Variants in ARHGAP35 observed in about 807,000 individuals in gnomAD.
The protein encoded by ARHGAP35 is Rho GTPase activating protein 35.
ARHGAP35 carries 15 observed loss-of-function variants against 111.1 expected under a neutral mutation model. The ratio of observed to expected loss-of-function variants is 0.13; its 90% CI spans 0.09 to 0.21. ARHGAP35 has a LOEUF of 0.21. Among genes scored for constraint, ARHGAP35 ranks in the 10% least tolerant of loss-of-function variants. The pLI is 1.00. For missense variants in ARHGAP35, 1,262 were observed against 1,873.0 expected, an observed-to-expected ratio of 0.67 and a Z score of 6.02; for synonymous variants, 643 against 710.3, an observed-to-expected ratio of 0.91 and a Z score of 1.51.
chr19:46,894,625 T>C (rs1354532074), intron 1 of ARHGAP35, among the ~76,000 whole-genome samples: 1 of 152,028 alleles, frequency 6.6e-6, no homozygotes, highest in Non-Finnish European at 1.5e-5. Flanking sequence ...TTTGTATTTT[T>C]ATTGGAGATG....
At position 46,921,493 on chromosome 19, in the gene ARHGAP35, G is replaced by A; in HGVS notation, c.2818G>A (p.Asp940Asn). Residue 940 changes from aspartate (D) to asparagine (N), a missense_variant, in exon 2 of 7, where the codon GAT (aspartate) becomes AAT (asparagine). Asp to Asn is a conservative substitution (Grantham distance 23). This residue lies in a region of ARHGAP35 where 579 missense variants were observed against 716.9 expected (regional missense o/e 0.81). Transcript: ENST00000672722. The surrounding 1 kb of genome is among the most constrained non-coding windows in gnomAD (Gnocchi z 4.3). ...KLEIFHPFFK[D>N]VVEKKNIIEA... Reference sequence around the variant, plus strand: ...TGAGATCTTTCACCCATTTTTTAAAGATGTGGTGGAAAAAAAGAACATAAT... The same window carrying A: ...TGAGATCTTTCACCCATTTTTTAAAAATGTGGTGGAAAAAAAGAACATAAT... 1 of 1,613,962 alleles carries A rather than the reference G, an allele frequency of 6.2e-7. No homozygotes were observed. The highest frequency in any genetic ancestry group is 1.6e-4 in the Middle Eastern group (1 of 6,062).
chr19:46,932,690 C>A (rs2056279920), intron 2 of ARHGAP35, among the ~76,000 whole-genome samples: 1 of 152,066 alleles, frequency 6.6e-6, no homozygotes, highest in Non-Finnish European at 1.5e-5. Context: ...TTTGTGACAC[C>A]CTAGAGAGCC....
At chr19:46,967,387 T>C (rs2056521577) in intron 3 of ARHGAP35, among the ~76,000 whole-genome samples, 1 of 152,274 alleles carries the variant, frequency 6.6e-6, no homozygotes, top group South Asian at 2.1e-4. Flanking sequence ...CCTTGTTACC[T>C]TCCCACACCA....
At chr19:46,930,484 A>G (rs1426740089) in intron 2 of ARHGAP35, among the ~76,000 whole-genome samples, 3 of 147,234 alleles carry the variant, frequency 2.0e-5, no homozygotes, top group Non-Finnish European at 3.0e-5. Context: ...AAAAAAAGAC[A>G]AAAAAAGGCA....
rs998565315 is a variant in ARHGAP35, at chr19:46,875,061, C to T, written c.-189+13852C>T. 2.6e-5 allele frequency among the ~76,000 whole-genome samples: 4 copies of T among 152,166 alleles called. No individual in the cohort carries two copies. The East Asian group carries it at 5.8e-4, about 22-fold the overall frequency. On this transcript the variant is annotated intron_variant, in intron 1 of 6. Transcript: ENST00000672722. Reference sequence around the variant, plus strand: ...TCCTGACCTTGTGATCTGCCCGCCTCGGCCTTCCAAGAAGTGCAGGGATTA... The same window carrying T: ...TCCTGACCTTGTGATCTGCCCGCCTTGGCCTTCCAAGAAGTGCAGGGATTA...
chr19:46,939,576 A>AT lies in ARHGAP35; in HGVS notation c.3826+2176dup, dbSNP rs575435955. Among the ~76,000 whole-genome samples the AT allele has an allele frequency of 4.0e-5, 6 of 150,824 alleles. No homozygotes were observed. In the South Asian group the frequency reaches 6.3e-4, roughly 16 times the overall value. On this transcript the variant is annotated intron_variant, in intron 3 of 6. Coordinates refer to ENST00000672722, the MANE Select transcript of ARHGAP35 (RefSeq NM_004491.5). The stretch of plus-strand genomic sequence containing the variant: ...CGGCATGCACCACCACACCTGGCTA[A>AT]TTTTTTTTGTATTTTTAGTAGAGAT...
intron 2 of ARHGAP35, among the ~76,000 whole-genome samples, chr19:46,933,137 C>CTTTTTT (rs1174653724): frequency 2.6e-4 from 26 of 99,506 alleles, no homozygotes; most frequent in African/African-American, 7.5e-4. Flanking sequence ...AGTGTGCCTT[C>CTTTTTT]TTTTTTTTTT....
intron 3 of ARHGAP35, among the ~76,000 whole-genome samples, chr19:46,941,035 C>T (rs1015892754): frequency 6.6e-6 from 1 of 151,046 alleles, no homozygotes; most frequent in African/African-American, 2.4e-5. Context: ...TGTCCCCTGC[C>T]CTCCTTCCCA....
intron 5 of ARHGAP35, among the ~76,000 whole-genome samples, chr19:46,996,106 TA>T (rs1490091247): frequency 6.6e-6 from 1 of 152,098 alleles, no homozygotes. Context: ...CCCCTAAATT[TA>T]TTTTTTTTCT....
At chr19:46,880,733 G>A (rs2055957371) in intron 1 of ARHGAP35, among the ~76,000 whole-genome samples, 1 of 151,894 alleles carries the variant, frequency 6.6e-6, no homozygotes, top group Non-Finnish European at 1.5e-5. Flanking sequence ...CTGGAATGCA[G>A]TAGTGTGATC....
chr19:46,924,548 TTGTC>T (rs1431370952), intron 2 of ARHGAP35, among the ~76,000 whole-genome samples: 4 of 152,222 alleles, frequency 2.6e-5, no homozygotes, highest in Non-Finnish European at 5.9e-5. Context: ...ATGGAGTCCT[TTGTC>T]TGCCTCCAGT....
chr19:46,924,595 C>T (rs548996637), intron 2 of ARHGAP35, among the ~76,000 whole-genome samples: 2 of 152,184 alleles, frequency 1.3e-5, no homozygotes, highest in Non-Finnish European at 2.9e-5. Context: ...AGGAGGCCAC[C>T]CTGTGGAAAG....
At chr19:46,892,174 G>A (rs1371116989) in intron 1 of ARHGAP35, among the ~76,000 whole-genome samples, 1 of 148,668 alleles carries the variant, frequency 6.7e-6, no homozygotes, top group Non-Finnish European at 1.5e-5. Flanking sequence ...CTGGTGGCAT[G>A]CCTGTTGTAA....
At chr19:46,869,663 A>G (rs1435018972) in intron 1 of ARHGAP35, among the ~76,000 whole-genome samples, 37 of 152,208 alleles carry the variant, frequency 2.4e-4, no homozygotes, top group Non-Finnish European at 1.0e-4. Flanking sequence ...GCCATGGGCA[A>G]TTAAAAAGAG....
chr19:46,920,532 T>G lies in ARHGAP35; in HGVS notation c.1857T>G (p.Leu619=). The G allele has an allele frequency of 5.0e-6, 8 of 1,613,988 alleles. No individual in the cohort carries two copies. The highest frequency in any genetic ancestry group is 6.8e-6 in the Non-Finnish European group (8 of 1,179,856). The change falls in exon 2 of 7, where the codon CTT becomes CTG. Residue 619 remains leucine (L), a synonymous_variant. Coordinates refer to ENST00000672722, the MANE Select transcript of ARHGAP35 (RefSeq NM_004491.5). The surrounding 1 kb of genome is among the most constrained non-coding windows in gnomAD (Gnocchi z 7.0). ...AGTTGGCCAATGAGATTCGAGCTCT[T>G]TGTACAAATGATGACAAGTATGTGA... ...ARELANEIRA[L]CTNDDKYVID... is the part of the protein sequence containing the mutation.
chr19:46,991,191 T>A (rs921631752), intron 5 of ARHGAP35, among the ~76,000 whole-genome samples: 4 of 152,192 alleles, frequency 2.6e-5, no homozygotes, highest in African/African-American at 9.7e-5. Context: ...TGAAGTCGCA[T>A]GGGAAATCTC....
intron 1 of ARHGAP35, among the ~76,000 whole-genome samples, chr19:46,911,059 G>A (rs141057442): frequency 5.6e-4 from 86 of 152,302 alleles, no homozygotes; most frequent in African/African-American, 2.0e-3. Context: ...TTGATAATCT[G>A]AGCCCCGACT....
In ARHGAP35 at chr19:46,988,115, G is replaced by C; in HGVS notation, c.3904+49G>C. On this transcript the variant is annotated intron_variant, in intron 4 of 6. Transcript: ENST00000672722. The surrounding 1 kb of genome is among the most constrained non-coding windows in gnomAD (Gnocchi z 5.4). ...TCCGAGGCCAGAGCTGGTCAAGGCAGACACAGCTGCCTCGGTGAACTGTCT... is the reference window on the plus strand; with the variant it reads ...TCCGAGGCCAGAGCTGGTCAAGGCACACACAGCTGCCTCGGTGAACTGTCT... 1 of 1,566,284 alleles carries C rather than the reference G, an allele frequency of 6.4e-7. No individual in the cohort carries two copies. The highest frequency in any genetic ancestry group is 1.1e-5 in the South Asian group (1 of 88,512).
Position 46,864,199 on chromosome 19 carries a change from G to A in ARHGAP35, c.-189+2990G>A, listed in dbSNP as rs556991358. ...TTGGATTTTTAGTCTTATTATCTGA[G>A]AAATGCGTCTTGGCTACCATTCCTG... is the stretch of plus-strand genomic sequence containing the variant. On this transcript the variant is annotated intron_variant, in intron 1 of 6. Coordinates refer to ENST00000672722, the MANE Select transcript of ARHGAP35 (RefSeq NM_004491.5). Among the ~76,000 whole-genome samples the A allele has an allele frequency of 1.8e-4, 28 of 152,352 alleles. No homozygotes were observed. The South Asian group carries it at 1.9e-3, about 10-fold the overall frequency.
Sources: gnomAD v4.1 joint callset for allele counts (sites outside exome capture counted in the v4.1 genomes callset) on GRCh38, gnomAD v4.1.1 for gene constraint, gnomAD v4.1.1 regional missense constraint, Gnocchi (gnomAD v3.1) non-coding constraint, MANE v1.5 for transcripts, NCBI Gene and HGNC (gene_info 2026-07-23, HGNC 2026-07-21) for gene names.